The following SPAG1 variants were observed in gnomAD, a reference collection of about 807,000 sequenced individuals.
SPAG1 encodes sperm-associated antigen 1.
In SPAG1, 69 loss-of-function variants were observed where a neutral mutation model predicts 100.5. The ratio of observed to expected loss-of-function variants is 0.69; its 90% CI spans 0.57 to 0.84. The LOEUF (loss-of-function observed/expected upper bound fraction) is 0.84. Ranked by LOEUF, SPAG1 falls within the 40% of genes least tolerant of loss-of-function variation. The pLI is 0.00. For synonymous variants in SPAG1, 336 were observed against 411.6 expected (o/e 0.82, Z 2.22); for missense variants, 955 against 1,133.1 (o/e 0.84, Z 2.26).
intron 16 of SPAG1, among the ~76,000 whole-genome samples, chr8:100,238,656 T>C (rs2132441423): frequency 6.6e-6 from 1 of 152,346 alleles, no homozygotes; most frequent in African/African-American, 2.4e-5. Flanking sequence ...TCATGGAAGA[T>C]TAAATGTTGA....
chr8:100,191,075 G>A (rs1455207205), intron 8 of SPAG1, among the ~76,000 whole-genome samples: 6 of 152,116 alleles, frequency 3.9e-5, no homozygotes, highest in Admixed American at 3.3e-4. Flanking sequence ...AAATCATTCC[G>A]ATATTGCAAT....
intron 5 of SPAG1, 152 bp downstream of exon 5, chr8:100,183,588 C>G (rs113456736): frequency 2.4e-5 from 11 of 460,048 alleles, no homozygotes; most frequent in African/African-American, 1.6e-4. Flanking sequence ...CTGGCCTCAG[C>G]ACTTTTGATG....
At position 100,220,171 on chromosome 8, in the gene SPAG1, G is replaced by A. The variant is rs111967677; in HGVS notation, c.1536-108G>A. 5.3e-3 allele frequency: 4,581 copies of A among 872,230 alleles called. 142 individuals carry two copies. The African/African-American group carries it at 0.069, about 13-fold the overall frequency. 54.0% of individuals were successfully genotyped at this position (872,230 alleles called of 1,614,324 possible). On this transcript the variant is annotated intron_variant, in intron 12 of 18. Coordinates refer to ENST00000388798, the MANE Select transcript of SPAG1 (RefSeq NM_003114.5). The stretch of plus-strand genomic sequence containing the variant: ...TGCCTGGTTCCCAAGACGAAGTCTC[G>A]GATGTGTACATATTTGAGAGTTCAG...
Position 100,241,124 on chromosome 8 carries a change from A to G in SPAG1, c.*102A>G. ...TGCATGGATAAAACTTGGCCTAGAA[A>G]AGTTTGGTCTGCACTATAAAACATT... On this transcript the variant is annotated 3_prime_UTR_variant, in exon 19 of 19. Coordinates refer to ENST00000388798, the MANE Select transcript of SPAG1 (RefSeq NM_003114.5). The surrounding 1 kb of genome is among the most constrained non-coding windows in gnomAD (Gnocchi z 5.1). 8.2e-7 allele frequency: 1 copy of G among 1,220,224 alleles called. No individual in the cohort carries two copies. 75.6% of individuals were successfully genotyped at this position (1,220,224 alleles called of 1,614,324 possible).
chr8:100,171,781 G>T (rs1178102192), intron 3 of SPAG1, among the ~76,000 whole-genome samples: 1 of 152,170 alleles, frequency 6.6e-6, no homozygotes, highest in Non-Finnish European at 1.5e-5. Flanking sequence ...GCCACCTGTT[G>T]TCTAGTGTCT....
rs138359646 is a variant in SPAG1 at position 100,170,800 on chromosome 8, CATTTATTTATTTATTTATTTATTTATTT to C, written c.300+4852_300+4879del. 4.3e-4 allele frequency among the ~76,000 whole-genome samples: 49 copies of C among 113,564 alleles called. No individual in the cohort carries two copies. The East Asian group carries it at 0.015, about 35-fold the overall frequency. The allele number at this position is 113,564 out of a possible 152,430, so 74.5% of individuals were successfully genotyped here. On this transcript the variant is annotated intron_variant, in intron 3 of 18. Coordinates refer to ENST00000388798, the MANE Select transcript of SPAG1 (RefSeq NM_003114.5). ...GAGATGTGCTTCTTTTCCAGTCTGC[CATTTATTTATTTATTTATTTATTTATTT>C]ATTTATTTATTTATTTATTTATTTT...
At chr8:100,184,359 C>A in intron 6 of SPAG1, among the ~76,000 whole-genome samples, 1 of 151,392 alleles carries the variant, frequency 6.6e-6, no homozygotes, top group East Asian at 1.9e-4. Flanking sequence ...TTTCTTTTTG[C>A]TTCAAAACAA....
intron 10 of SPAG1, among the ~76,000 whole-genome samples, chr8:100,197,964 T>C (rs188705384): frequency 1.0e-3 from 156 of 152,336 alleles, no homozygotes; most frequent in Non-Finnish European, 1.9e-3. Context: ...ATGGGCTTTT[T>C]CCTGGAAGCT....
At chr8:100,198,147 T>A (rs1329228560) in intron 10 of SPAG1, among the ~76,000 whole-genome samples, 1 of 152,186 alleles carries the variant, frequency 6.6e-6, no homozygotes, top group African/African-American at 2.4e-5. Context: ...GTGTTGCTAC[T>A]TAAAAATGAA....
chr8:100,175,321 G>A (rs571401669), intron 3 of SPAG1, among the ~76,000 whole-genome samples: 1 of 138,098 alleles, frequency 7.2e-6, no homozygotes, highest in African/African-American at 2.7e-5. Context: ...GTCTTGGTCT[G>A]TCGCCCAGCC....
At chr8:100,174,334 A>G (rs187202440) in intron 3 of SPAG1, among the ~76,000 whole-genome samples, 10 of 152,362 alleles carry the variant, frequency 6.6e-5, no homozygotes. Context: ...CAATGTATTA[A>G]GTGGAAGTGG....
intron 3 of SPAG1, among the ~76,000 whole-genome samples, chr8:100,172,951 T>C (rs923606679): frequency 2.6e-5 from 4 of 151,956 alleles, no homozygotes; most frequent in Non-Finnish European, 4.4e-5. Context: ...TTTGGCTTTG[T>C]TTTCAGGATG....
chr8:100,183,912 G>T (rs749689576), intron 5 of SPAG1, 44 bp from the exon 6 acceptor site: 3 of 867,232 alleles, frequency 3.5e-6, no homozygotes, highest in Non-Finnish European at 5.5e-6. Flanking sequence ...TTATTTTCTT[G>T]CCTGTATTGT....
chr8:100,195,739 ATTATTTTAAAATTG>A (rs1817004540), intron 10 of SPAG1, among the ~76,000 whole-genome samples: 1 of 152,190 alleles, frequency 6.6e-6, no homozygotes, highest in African/African-American at 2.4e-5. Flanking sequence ...ATTACTTCCT[ATTATTTTAAAATTG>A]TTATTTTAAA....
At chr8:100,201,541 A>ATG (rs140461263) in intron 10 of SPAG1, among the ~76,000 whole-genome samples, 3 of 152,120 alleles carry the variant, frequency 2.0e-5, no homozygotes, top group African/African-American at 4.8e-5. Flanking sequence ...GGTATTACAT[A>ATG]TGTGTGTGTG....
At chr8:100,202,399 T>C (rs1400246337) in intron 10 of SPAG1, among the ~76,000 whole-genome samples, 1 of 151,606 alleles carries the variant, frequency 6.6e-6, no homozygotes, top group Non-Finnish European at 1.5e-5. Context: ...CTGAATAGAC[T>C]TGGCACCCTT....
chr8:100,235,274 C>T (rs1342398172), intron 16 of SPAG1, among the ~76,000 whole-genome samples: 2 of 152,144 alleles, frequency 1.3e-5, no homozygotes, highest in African/African-American at 4.8e-5. Flanking sequence ...CTGATTTTAA[C>T]TTGATTACCT....
chr8:100,204,855 A>T (rs1586475867), intron 10 of SPAG1, among the ~76,000 whole-genome samples: 1 of 152,328 alleles, frequency 6.6e-6, no homozygotes, highest in East Asian at 1.9e-4. Context: ...TTTAAATACA[A>T]TGGGAATAAT....
chr8:100,234,289 T>C (rs1818906000), intron 16 of SPAG1, among the ~76,000 whole-genome samples: 1 of 152,206 alleles, frequency 6.6e-6, no homozygotes, highest in African/African-American at 2.4e-5. Context: ...ACTTTTGGTA[T>C]GTGCATATCC....
Sources: gnomAD v4.1 joint callset for allele counts (sites outside exome capture counted in the v4.1 genomes callset) on GRCh38, gnomAD v4.1.1 for gene constraint, Gnocchi (gnomAD v3.1) non-coding constraint, MANE v1.5 for transcripts, NCBI Gene and HGNC (gene_info 2026-07-23, HGNC 2026-07-21) for gene names.